The following PTPRK variants were observed in gnomAD, a reference collection of about 807,000 sequenced individuals.
The protein encoded by PTPRK is receptor-type tyrosine-protein phosphatase kappa.
A neutral mutation model predicts 178.0 loss-of-function variants in PTPRK; 75 were observed. The ratio of observed to expected loss-of-function variants is 0.42; its 90% CI spans 0.35 to 0.51. PTPRK has a LOEUF of 0.51. Ranked by LOEUF, PTPRK falls within the 20% of genes least tolerant of loss-of-function variation. The probability of loss-of-function intolerance (pLI) is 0.02; values close to 1 mark genes in which losing one functional copy is unlikely to be tolerated. For synonymous variants in PTPRK, 637 were observed against 620.6 expected, an observed-to-expected ratio of 1.03 and a Z score of -0.39; for missense variants, 1,441 against 1,797.8, an observed-to-expected ratio of 0.80 and a Z score of 3.59.
At position 128,294,173 on chromosome 6, in the gene PTPRK, A is replaced by T. The variant is rs576329701; in HGVS notation, c.495+27866T>A. On this transcript the variant is annotated intron_variant, in intron 3 of 29. Coordinates refer to ENST00000368226, the MANE Select transcript of PTPRK (RefSeq NM_002844.4). ...TGTAATTAACGGTTTATTTTAGTAA[A>T]TTTGATCATATAAACAAATATTCTT... is the stretch of plus-strand genomic sequence containing the variant. Among the ~76,000 whole-genome samples the T allele has an allele frequency of 1.2e-4, 19 of 152,240 alleles. No individual in the cohort carries two copies. In the South Asian group the frequency reaches 2.1e-3, roughly 17 times the overall value.
Position 128,494,201 on chromosome 6 carries a change from T to TAAAAAAAAAAAAA in PTPRK, c.100+26045_100+26057dup, listed in dbSNP as rs11301155. On this transcript the variant is annotated intron_variant, in intron 1 of 29. Coordinates refer to ENST00000368226, the MANE Select transcript of PTPRK (RefSeq NM_002844.4). Reference sequence around the variant, plus strand: ...GGTAATGTAGCAAGACCCTGTATCTTAAAAAAAAAAAAAAAAAAAAAAGTG... The same window carrying TAAAAAAAAAAAAA: ...GGTAATGTAGCAAGACCCTGTATCTTAAAAAAAAAAAAAAAAAAAAAAAAAAAAAAAAAAAGTG... Among the ~76,000 whole-genome samples, 143 of 112,920 alleles carry TAAAAAAAAAAAAA rather than the reference T, an allele frequency of 1.3e-3. 2 individuals carry two copies. The highest frequency in any genetic ancestry group is 2.2e-3 in the Non-Finnish European group (123 of 54,956). The allele number at this position is 112,920 out of a possible 152,430, so 74.1% of individuals were successfully genotyped here.
At chr6:128,138,362 C>T (rs772512191) in intron 7 of PTPRK, among the ~76,000 whole-genome samples, 6 of 152,038 alleles carry the variant, frequency 3.9e-5, no homozygotes, top group East Asian at 1.9e-4. Context: ...TGTCTCACAA[C>T]GGGAAAAAAT....
At chr6:127,986,129 T>C (rs1372285278) in intron 21 of PTPRK, among the ~76,000 whole-genome samples, 1 of 152,148 alleles carries the variant, frequency 6.6e-6, no homozygotes, top group East Asian at 1.9e-4. Flanking sequence ...TCTGGGTAAA[T>C]TTTATTTACT....
intron 6 of PTPRK, among the ~76,000 whole-genome samples, chr6:128,197,528 A>G (rs1052793967): frequency 2.6e-5 from 4 of 152,094 alleles, no homozygotes; most frequent in Admixed American, 2.6e-4. Context: ...ATTTATTTTA[A>G]TATATAAATG....
intron 6 of PTPRK, among the ~76,000 whole-genome samples, chr6:128,211,959 T>C (rs554050515): frequency 1.2e-4 from 19 of 152,166 alleles, no homozygotes; most frequent in African/African-American, 4.1e-4. Context: ...TTGTCAACTA[T>C]AGAGCTTCTG....
intron 3 of PTPRK, among the ~76,000 whole-genome samples, chr6:128,274,970 T>C (rs1014037151): frequency 2.0e-5 from 3 of 151,992 alleles, no homozygotes; most frequent in African/African-American, 7.2e-5. Context: ...ATAATTCAAT[T>C]ATAGGATAAG....
intron 7 of PTPRK, among the ~76,000 whole-genome samples, chr6:128,147,809 A>G (rs1796702621): frequency 6.6e-6 from 1 of 152,188 alleles, no homozygotes; most frequent in African/African-American, 2.4e-5. Flanking sequence ...TATCTGATGG[A>G]CCAAAAATGA....
chr6:128,518,624 G>T (rs1373185099), intron 1 of PTPRK, among the ~76,000 whole-genome samples: 1 of 152,202 alleles, frequency 6.6e-6, no homozygotes, highest in Non-Finnish European at 1.5e-5. Flanking sequence ...CAACTTGCCT[G>T]CATATAATGA....
At chr6:128,257,883 C>CA (rs951073383) in intron 3 of PTPRK, among the ~76,000 whole-genome samples, 4 of 151,606 alleles carry the variant, frequency 2.6e-5, no homozygotes, top group Non-Finnish European at 2.9e-5. Flanking sequence ...TGCGTGTCAC[C>CA]AAAAAAACCA....
chr6:127,980,272 T>G (rs1416134651), intron 25 of PTPRK, among the ~76,000 whole-genome samples: 1 of 152,178 alleles, frequency 6.6e-6, no homozygotes, highest in Non-Finnish European at 1.5e-5. Flanking sequence ...ATTGTGCCAT[T>G]GCACTCCAGC....
chr6:128,343,060 T>C (rs1057061213), intron 2 of PTPRK, among the ~76,000 whole-genome samples: 1 of 152,244 alleles, frequency 6.6e-6, no homozygotes, highest in Non-Finnish European at 1.5e-5. Flanking sequence ...CCAAAAACTG[T>C]ATTAGTCAAC....
chr6:128,417,971 G>A (rs1214472315), intron 1 of PTPRK, among the ~76,000 whole-genome samples: 1 of 152,172 alleles, frequency 6.6e-6, no homozygotes, highest in Non-Finnish European at 1.5e-5. Context: ...AGAGATGAAA[G>A]AGAAAGTAAA....
chr6:128,221,781 C>A (rs1810462239), intron 5 of PTPRK, among the ~76,000 whole-genome samples: 1 of 152,020 alleles, frequency 6.6e-6, no homozygotes, highest in Non-Finnish European at 1.5e-5. Context: ...AGATCCCCCA[C>A]TCATTCCCTT....
At chr6:128,421,648 C>T (rs571512053) in intron 1 of PTPRK, among the ~76,000 whole-genome samples, 38 of 152,282 alleles carry the variant, frequency 2.5e-4, no homozygotes, top group African/African-American at 8.4e-4. Flanking sequence ...GAGAACACCT[C>T]TCCACTTCCC....
chr6:128,298,935 T>C (rs988292697), intron 3 of PTPRK, among the ~76,000 whole-genome samples: 10 of 152,190 alleles, frequency 6.6e-5, no homozygotes, highest in Non-Finnish European at 1.5e-4. Flanking sequence ...AAATTGTCCC[T>C]GTTTGCAGAC....
chr6:128,306,981 C>G (rs1166962655), intron 3 of PTPRK, among the ~76,000 whole-genome samples: 1 of 151,462 alleles, frequency 6.6e-6, no homozygotes, highest in African/African-American at 2.4e-5. Context: ...TAAAAACTAT[C>G]AGATAAAAAC....
intron 6 of PTPRK, among the ~76,000 whole-genome samples, chr6:128,199,800 G>C (rs1477630561): frequency 6.6e-6 from 1 of 152,096 alleles, no homozygotes; most frequent in African/African-American, 2.4e-5. Flanking sequence ...TCACAAACAT[G>C]GGCGTCTATG....
At chr6:128,159,849 CAG>C (rs1280474004) in intron 7 of PTPRK, among the ~76,000 whole-genome samples, 2 of 151,526 alleles carry the variant, frequency 1.3e-5, no homozygotes, top group Non-Finnish European at 3.0e-5. Flanking sequence ...GATGTCAAAA[CAG>C]AGAGGAATAC....
At chr6:128,359,092 G>C (rs1475575116) in intron 2 of PTPRK, among the ~76,000 whole-genome samples, 1 of 152,164 alleles carries the variant, frequency 6.6e-6, no homozygotes, top group Non-Finnish European at 1.5e-5. Context: ...CAGGATACTG[G>C]CACTCAAATG....
Sources: gnomAD v4.1 joint callset for allele counts (sites outside exome capture counted in the v4.1 genomes callset) on GRCh38, gnomAD v4.1.1 for gene constraint, MANE v1.5 for transcripts, NCBI Gene and HGNC (gene_info 2026-07-23, HGNC 2026-07-21) for gene names.